The following RIMKLB variants were observed in gnomAD, a reference collection of about 807,000 sequenced individuals.
The protein encoded by RIMKLB is ribosomal modification protein rimK like family member B, also known as beta-citrylglutamate synthase B.
In RIMKLB, 7 loss-of-function variants were observed where a neutral mutation model predicts 32.0. The observed-to-expected ratio is 0.22, with a 90% CI of 0.12 to 0.41. The LOEUF (loss-of-function observed/expected upper bound fraction) is 0.41, where lower values mean the gene tolerates loss of function less well. Ranked by LOEUF, RIMKLB falls within the 10% of genes least tolerant of loss-of-function variation. RIMKLB has a pLI of 1.00. For synonymous variants in RIMKLB, 172 were observed against 185.1 expected, an observed-to-expected ratio of 0.93 and a Z score of 0.57; for missense variants, 289 against 498.7, an observed-to-expected ratio of 0.58 and a Z score of 4.00.
chr12:8,756,447 T>C (rs1949032653), intron 5 of RIMKLB, among the ~76,000 whole-genome samples: 2 of 152,148 alleles, frequency 1.3e-5, no homozygotes, highest in Admixed American at 6.5e-5. Context: ...AGAAACATAA[T>C]GTTCATTTAA....
At chr12:8,721,109 G>T (rs1945400721) in intron 2 of RIMKLB, among the ~76,000 whole-genome samples, 1 of 152,184 alleles carries the variant, frequency 6.6e-6, no homozygotes, top group South Asian at 2.1e-4. Flanking sequence ...TTTTGATGAA[G>T]ATCTCTTTAT....
chr12:8,772,268 C>T (rs753205634), intron 5 of RIMKLB, among the ~76,000 whole-genome samples: 7 of 152,150 alleles, frequency 4.6e-5, no homozygotes, highest in African/African-American at 9.7e-5. Context: ...ACTCTCAAAG[C>T]GACTGTACTC....
chr12:8,728,508 G>C (rs1454710582), intron 2 of RIMKLB, among the ~76,000 whole-genome samples: 2 of 152,120 alleles, frequency 1.3e-5, no homozygotes, highest in Non-Finnish European at 2.9e-5. Flanking sequence ...GAGGGGGCTG[G>C]AGTTTTGTAT....
the RIMKLB span, among the ~76,000 whole-genome samples, chr12:8,676,382 CTTTTTTTT>C: frequency 5.6e-4 from 21 of 37,304 alleles, no homozygotes; most frequent in Non-Finnish European, 9.8e-4. Context: ...CCCCCAACAG[CTTTTTTTT>C]TTTTTTTTTT....
chr12:8,775,129 T>C lies in RIMKLB; in HGVS notation c.*1345T>C. ...TGTTTTTTTCCTTTTGTTTCTAGCC[T>C]GTTCAGTGTACAGTTTATTCAAGGC... On this transcript the variant is annotated 3_prime_UTR_variant, in exon 6 of 6. Coordinates refer to ENST00000535829, the MANE Select transcript of RIMKLB (RefSeq NM_001297776.2). 2.0e-6 allele frequency: 2 copies of C among 985,800 alleles called. No individual in the cohort carries two copies. Among genetic ancestry groups the C allele is most frequent in the Non-Finnish European group, 2.4e-6 (2 of 829,870 alleles). 61.1% of individuals were successfully genotyped at this position (985,800 alleles called of 1,614,324 possible). A position where few individuals can be genotyped will look rare whatever the true frequency, so the allele number is the denominator to read the frequency against.
At chr12:8,759,436 T>G in intron 5 of RIMKLB, among the ~76,000 whole-genome samples, 1 of 152,172 alleles carries the variant, frequency 6.6e-6, no homozygotes, top group East Asian at 1.9e-4. Flanking sequence ...CCCATAACTT[T>G]TTGCATTTCA....
At chr12:8,675,086 C>T in the RIMKLB span, among the ~76,000 whole-genome samples, 1 of 152,154 alleles carries the variant, frequency 6.6e-6, no homozygotes, top group East Asian at 1.9e-4. Flanking sequence ...TGGTCTTGAA[C>T]TCCCAACCTC....
intron 2 of RIMKLB, among the ~76,000 whole-genome samples, chr12:8,720,591 G>A (rs987637287): frequency 7.2e-5 from 11 of 152,162 alleles, no homozygotes; most frequent in African/African-American, 2.4e-4. Context: ...CGCCCAGGCC[G>A]GAGTGCAGTG....
At chr12:8,728,166 G>A (rs1367831911) in intron 2 of RIMKLB, among the ~76,000 whole-genome samples, 1 of 152,110 alleles carries the variant, frequency 6.6e-6, no homozygotes, top group African/African-American at 2.4e-5. Flanking sequence ...TATTTTTGTG[G>A]AAGTCTTTAG....
upstream of RIMKLB, among the ~76,000 whole-genome samples, chr12:8,693,629 CT>C (rs771885252): frequency 6.6e-6 from 1 of 152,066 alleles, no homozygotes; most frequent in East Asian, 1.9e-4. Flanking sequence ...AACTCCCGAC[CT>C]TAGGTGATCC....
upstream of RIMKLB, among the ~76,000 whole-genome samples, chr12:8,696,139 TTAAA>T (rs59491095): frequency 0.017 from 2,583 of 152,322 alleles, 54 homozygotes; most frequent in African/African-American, 0.05. Context: ...AATAGGTTAA[TTAAA>T]TATTATTATT....
rs117062917 is a variant in RIMKLB at position 8,722,283 on chromosome 12, A to G, written c.175+8242A>G. ...CAGAGTCCATGTTGTGTTAGCAGCT[A>G]TGAAAATAATGTTAATCTTTTTATA... is the stretch of plus-strand genomic sequence containing the variant. On this transcript the variant is annotated intron_variant, in intron 2 of 5. Transcript: ENST00000535829. Among the ~76,000 whole-genome samples the G allele has an allele frequency of 8.1e-3, 1,238 of 151,970 alleles. 14 individuals are homozygous for G. The highest frequency in any genetic ancestry group is 8.4e-3 in the Non-Finnish European group (568 of 67,992).
intron 2 of RIMKLB, among the ~76,000 whole-genome samples, chr12:8,718,667 A>ATGTGTGTGTGTG (rs1296960908): frequency 5.3e-5 from 7 of 132,670 alleles, no homozygotes; most frequent in South Asian, 2.4e-4. Flanking sequence ...ATATATATAT[A>ATGTGTGTGTGTG]TATGTGTGTG....
intron 2 of RIMKLB, among the ~76,000 whole-genome samples, chr12:8,737,914 A>G (rs557961000): frequency 6.6e-6 from 1 of 152,084 alleles, no homozygotes; most frequent in Non-Finnish European, 1.5e-5. Context: ...GAGTTTCTCC[A>G]TGTTGGTCAG....
At chr12:8,718,472 G>A (rs1304825551) in intron 2 of RIMKLB, among the ~76,000 whole-genome samples, 1 of 152,080 alleles carries the variant, frequency 6.6e-6, no homozygotes, top group African/African-American at 2.4e-5. Context: ...GGTGAAACCC[G>A]TCTCTACTAA....
At chr12:8,731,523 G>A (rs1946546527) in intron 2 of RIMKLB, among the ~76,000 whole-genome samples, 1 of 151,646 alleles carries the variant, frequency 6.6e-6, no homozygotes, top group Non-Finnish European at 1.5e-5. Context: ...CCACCACTTT[G>A]CTGACATCCT....
chr12:8,712,686 G>C (rs1944474480), intron 1 of RIMKLB, among the ~76,000 whole-genome samples: 1 of 152,150 alleles, frequency 6.6e-6, no homozygotes, highest in Admixed American at 6.5e-5. Context: ...TGTTGGCTCT[G>C]ATGGGGCCTC....
chr12:8,763,540 A>G (rs528653264), intron 5 of RIMKLB, among the ~76,000 whole-genome samples: 67 of 152,376 alleles, frequency 4.4e-4, no homozygotes, highest in South Asian at 2.3e-3. Context: ...TGGGATGAGG[A>G]TAAGCCAATA....
downstream of RIMKLB, chr12:8,777,238 T>TC (rs1231600384): frequency 4.1e-5 from 40 of 970,858 alleles, no homozygotes; most frequent in East Asian, 2.3e-4. Context: ...TTTTTTTTTT[T>TC]TTCTTCTTAA....
Sources: allele counts gnomAD v4.1 joint callset (sites outside exome capture counted in the v4.1 genomes callset), GRCh38; gene constraint gnomAD v4.1.1; transcripts MANE v1.5; gene names NCBI Gene and HGNC (gene_info 2026-07-23, HGNC 2026-07-21).